The following FBN2 variants were observed in gnomAD, a reference collection of about 807,000 sequenced individuals.
FBN2 encodes the protein fibrillin 2, also known as fibrillin-2.
FBN2 carries 105 observed loss-of-function variants against 355.6 expected under a neutral mutation model. The observed-to-expected ratio is 0.30, with a 90% confidence interval of 0.25 to 0.35. The LOEUF is 0.35. Ranked by LOEUF, FBN2 falls within the 10% of genes least tolerant of loss-of-function variation. FBN2 has a pLI of 1.00. For synonymous variants in FBN2, 1,350 were observed against 1,301.2 expected (o/e 1.04, Z -0.81); for missense variants, 3,280 against 3,758.7 (o/e 0.87, Z 3.33).
chr5:128,492,382 G>T (rs533065355), intron 5 of FBN2, among the ~76,000 whole-genome samples: 1 of 152,270 alleles, frequency 6.6e-6, no homozygotes, highest in Non-Finnish European at 1.5e-5. Context: ...TATGATTAAG[G>T]AGACCTCTGA....
intron 11 of FBN2, among the ~76,000 whole-genome samples, chr5:128,385,535 T>C (rs556969235): frequency 6.6e-6 from 1 of 152,288 alleles, no homozygotes; most frequent in African/African-American, 2.4e-5. Context: ...ACATGTGTCT[T>C]TACGGTAGAA....
intron 5 of FBN2, among the ~76,000 whole-genome samples, chr5:128,513,348 T>A (rs531006445): frequency 6.6e-6 from 1 of 152,244 alleles, no homozygotes; most frequent in Non-Finnish European, 1.5e-5. Flanking sequence ...TTTGTGTGTG[T>A]CTGGTAGTTT....
chr5:128,378,923 C>T (rs1424192437), intron 11 of FBN2, 33 bp from the exon 12 acceptor site: 1 of 1,611,768 alleles, frequency 6.2e-7, no homozygotes, highest in Non-Finnish European at 8.5e-7. Context: ...TTATAGACTT[C>T]ACTCCATTTG....
rs1581223778 is a variant in FBN2, at chr5:128,334,901, A to G, written c.3974-57T>C. The G allele has an allele frequency of 2.7e-6, 4 of 1,462,758 alleles. No individual in the cohort carries two copies. The Admixed American group carries it at 5.0e-5, about 18-fold the overall frequency. The allele number at this position is 1,462,758 out of a possible 1,614,324, so 90.6% of individuals were successfully genotyped here. On this transcript the variant is annotated intron_variant, in intron 30 of 64. Transcript: ENST00000262464. Reference sequence around the variant, plus strand: ...TGCTCATCACAGTAATTTAAAAGCTATCTTCTACACTGAATAGCATAATAC... The same window carrying G: ...TGCTCATCACAGTAATTTAAAAGCTGTCTTCTACACTGAATAGCATAATAC...
At chr5:128,353,181 A>C (rs1028807754) in intron 20 of FBN2, among the ~76,000 whole-genome samples, 2 of 152,128 alleles carry the variant, frequency 1.3e-5, no homozygotes, top group Non-Finnish European at 2.9e-5. Flanking sequence ...AAAAAAAAAA[A>C]AAGTTTTTAC....
intron 5 of FBN2, among the ~76,000 whole-genome samples, chr5:128,476,458 A>G (rs1482002868): frequency 3.3e-5 from 5 of 152,094 alleles, no homozygotes; most frequent in Admixed American, 3.3e-4. Context: ...AAAATACAAA[A>G]GAAAGTAGAA....
At chr5:128,374,845 T>C in intron 14 of FBN2, 95 bp from the exon 15 acceptor site, 1 of 1,317,134 alleles carries the variant, frequency 7.6e-7, no homozygotes, top group Non-Finnish European at 1.1e-6. Flanking sequence ...TACTAACCTT[T>C]TGTTTATAAC....
At chr5:128,492,951 T>A (rs2127128365) in intron 5 of FBN2, among the ~76,000 whole-genome samples, 1 of 150,568 alleles carries the variant, frequency 6.6e-6, no homozygotes, top group South Asian at 2.1e-4. Context: ...CAAAACCATA[T>A]AATGAAAAAG....
chr5:128,530,565 C>T, intron 3 of FBN2, 30 bp downstream of exon 3: 12 of 1,437,310 alleles, frequency 8.3e-6, no homozygotes, highest in Non-Finnish European at 1.2e-5. Context: ...AAGAAAAATG[C>T]AGTGAAAAGG....
At chr5:128,281,396 A>T (rs1180018804) in intron 55 of FBN2, among the ~76,000 whole-genome samples, 2 of 152,184 alleles carry the variant, frequency 1.3e-5, no homozygotes, top group Non-Finnish European at 2.9e-5. Flanking sequence ...CAACTTCAAC[A>T]CACATTCTTA....
intron 34 of FBN2, among the ~76,000 whole-genome samples, chr5:128,322,678 G>A (rs1470651975): frequency 6.6e-6 from 1 of 152,130 alleles, no homozygotes; most frequent in South Asian, 2.1e-4. Context: ...TGCTGTTATG[G>A]TTACTGTGGC....
chr5:128,262,297 GAT>G (rs1764995654), intron 63 of FBN2, among the ~76,000 whole-genome samples: 1 of 152,078 alleles, frequency 6.6e-6, no homozygotes, highest in Non-Finnish European at 1.5e-5. Context: ...GCCTTCAAGC[GAT>G]TCTCCTACCT....
intron 5 of FBN2, among the ~76,000 whole-genome samples, chr5:128,511,435 A>T (rs991722366): frequency 9.2e-5 from 14 of 152,140 alleles, no homozygotes; most frequent in African/African-American, 3.4e-4. Context: ...ACACGAAATG[A>T]TTAATCTCTG....
intron 40 of FBN2, 57 bp from the exon 41 acceptor site, chr5:128,309,456 A>T: frequency 6.9e-7 from 1 of 1,455,852 alleles, no homozygotes; most frequent in Admixed American, 1.7e-5. Context: ...GTTTATAATG[A>T]AGCCCACACA....
chr5:128,327,686 T>TGTAG (rs370787559), intron 34 of FBN2, among the ~76,000 whole-genome samples: 7 of 152,082 alleles, frequency 4.6e-5, no homozygotes, highest in Admixed American at 1.3e-4. Flanking sequence ...TTGTCCAGTC[T>TGTAG]GTAGTGCAAT....
At chr5:128,295,747 G>A (rs1417914793) in intron 48 of FBN2, among the ~76,000 whole-genome samples, 2 of 133,008 alleles carry the variant, frequency 1.5e-5, no homozygotes, top group Non-Finnish European at 3.1e-5. Flanking sequence ...CTGAGACAAT[G>A]GGGTTTTCTA....
rs779902795 is a variant in FBN2, at chr5:128,393,316, C to T, written c.1284G>A (p.Gly428=). Residue 428 remains glycine (G), a synonymous_variant, in exon 10 of 65, where the codon GGG becomes GGA. Coordinates refer to ENST00000262464, the MANE Select transcript of FBN2 (RefSeq NM_001999.4). ...TGCCTCCAGGTCTGGAACCAGCACT[C>T]CCTGGAATTCCTCCCATTGGAAGTC... ...MDGLPMGGIP[G]SAGSRPGGTG... The T allele has an allele frequency of 1.2e-6, 2 of 1,614,188 alleles. No homozygotes were observed. The highest frequency in any genetic ancestry group is 1.1e-5 in the South Asian group (1 of 91,086).
chr5:128,338,096 G>C lies in FBN2; in HGVS notation c.3499C>G (p.Leu1167Val), dbSNP rs764023413. Residue 1167 changes from leucine to valine, a missense_variant, in exon 27 of 65, where the codon CTC becomes GTC. This residue lies in a region of FBN2 where 2,284 missense variants were observed against 2,749.5 expected (regional missense o/e 0.83). Coordinates refer to ENST00000262464, the MANE Select transcript of FBN2 (RefSeq NM_001999.4). ...ACACAGGTGCCACCCCTACAAAGGA[G>C]AGGGTTACGTTCACATTCGTCAATG... is the stretch of plus-strand genomic sequence containing the variant. ...MDIDECERNP[L>V]LCRGGTCVNT... The C allele has an allele frequency of 1.9e-6, 3 of 1,614,112 alleles. No individual in the cohort carries two copies. In the South Asian group the frequency reaches 3.3e-5, roughly 18 times the overall value.
At chr5:128,456,640 G>T (rs1009766656) in intron 6 of FBN2, among the ~76,000 whole-genome samples, 3 of 151,974 alleles carry the variant, frequency 2.0e-5, no homozygotes, top group Non-Finnish European at 4.4e-5. Context: ...CTAGTCATGG[G>T]GGCGAATCAG....
Sources: allele counts gnomAD v4.1 joint callset (sites outside exome capture counted in the v4.1 genomes callset), GRCh38; gene constraint gnomAD v4.1.1; regional missense constraint gnomAD v4.1.1; transcripts MANE v1.5; gene names NCBI Gene and HGNC (gene_info 2026-07-23, HGNC 2026-07-21).